Variants in ANO4 observed in about 807,000 individuals in gnomAD.
ANO4 encodes anoctamin 4.
Under a neutral mutation model 141.9 loss-of-function variants are expected in ANO4, and 69 were observed. The ratio of observed to expected loss-of-function variants is 0.49; its 90% CI spans 0.40 to 0.59. ANO4 has a LOEUF of 0.59. ANO4 is among the 20% of genes least tolerant of loss of function. ANO4 has a pLI of 0.00. For synonymous variants in ANO4, 350 were observed against 394.3 expected, an observed-to-expected ratio of 0.89 and a Z score of 1.33; for missense variants, 894 against 1,162.2, an observed-to-expected ratio of 0.77 and a Z score of 3.36.
chr12:100,794,799 G>A lies in ANO4; in HGVS notation c.-369G>A, dbSNP rs1427714486. 2 of 152,240 alleles carry A rather than the reference G, an allele frequency of 1.3e-5. No individual in the cohort carries two copies. Among genetic ancestry groups the A allele is most frequent in the African/African-American group, 2.4e-5 (1 of 41,400 alleles). 9.4% of individuals were successfully genotyped at this position (152,240 alleles called of 1,614,324 possible). A position where few individuals can be genotyped will look rare whatever the true frequency, so the allele number is the denominator to read the frequency against. ...CTGCTTTCACTCCGGCTCGCTCTCC[G>A]GAGAGTCCTGTTCCAGACTTCTCAG... On this transcript the variant is annotated 5_prime_UTR_variant, in exon 1 of 28. Transcript: ENST00000392977.
In ANO4 at chr12:100,939,326, G is replaced by T; in HGVS notation, c.172G>T (p.Val58Phe). The change falls in exon 4 of 28, where the codon GTC (valine) becomes TTC (phenylalanine). Residue 58 changes from valine to phenylalanine, a missense_variant. Transcript: ENST00000392977. ...LNAIQEMAKDVNILFDELEAV... is the reference protein window; with the variant it reads ...LNAIQEMAKDFNILFDELEAV... ...TACTTTGGTTCTAGTGGCCAAGGAT[G>T]TCAATATTCTTTTTGATGAATTAGA... 6.2e-7 allele frequency: 1 copy of T among 1,613,264 alleles called. No homozygotes were observed. The highest frequency in any genetic ancestry group is 8.5e-7 in the Non-Finnish European group (1 of 1,179,392).
chr12:101,018,314 G>A (rs117421300), intron 8 of ANO4, among the ~76,000 whole-genome samples: 67 of 152,272 alleles, frequency 4.4e-4, no homozygotes, highest in Non-Finnish European at 6.8e-4. Flanking sequence ...TCAGATAAAT[G>A]CTGCAGCATC....
chr12:100,780,375 A>G lies in ANO4; in HGVS notation c.358+40270A>G, dbSNP rs556970833. ...TCCACAGACAGAGCAGGGCTATCTC[A>G]TAGACAGAGTAGCAGCCAATAGCAC... On this transcript the variant is annotated intron_variant, in intron 3 of 29. Transcript: ENST00000644049. 9.2e-5 allele frequency among the ~76,000 whole-genome samples: 14 copies of G among 151,972 alleles called. 1 individual carries two copies. The highest frequency in any genetic ancestry group is 3.1e-4 in the African/African-American group (13 of 41,332).
intron 7 of ANO4, among the ~76,000 whole-genome samples, chr12:100,977,837 TATA>T (rs2044270830): frequency 6.6e-6 from 1 of 152,194 alleles, no homozygotes; most frequent in Non-Finnish European, 1.5e-5. Context: ...TACAGCCCTT[TATA>T]AACTGTCCTC....
chr12:100,726,232 G>GT (rs1465739643), intron 1 of ANO4, among the ~76,000 whole-genome samples: 1 of 151,694 alleles, frequency 6.6e-6, no homozygotes, highest in Non-Finnish European at 1.5e-5. Context: ...TTAAACTTCA[G>GT]TAAAAAAAAA....
chr12:100,927,836 C>G (rs1036389702), intron 3 of ANO4, among the ~76,000 whole-genome samples: 8 of 152,032 alleles, frequency 5.3e-5, no homozygotes, highest in Admixed American at 1.3e-4. Context: ...GCATCCATAC[C>G]CTGAAACACA....
chr12:100,950,141 CATG>C (rs2042910695), intron 5 of ANO4, among the ~76,000 whole-genome samples: 1 of 152,080 alleles, frequency 6.6e-6, no homozygotes, highest in South Asian at 2.1e-4. Context: ...CAGTTGAAAA[CATG>C]ATGATGAGTG....
chr12:100,877,712 T>C (rs1020831844), intron 1 of ANO4, among the ~76,000 whole-genome samples: 3 of 152,138 alleles, frequency 2.0e-5, no homozygotes, highest in East Asian at 1.9e-4. Flanking sequence ...GATGTTTTTT[T>C]CTCCAGCATC....
In ANO4 at chr12:100,939,307, G is replaced by T. The variant is rs1292643421; in HGVS notation, c.161-8G>T. On this transcript the variant is annotated splice_region_variant and splice_polypyrimidine_tract_variant and intron_variant, in intron 3 of 27. Transcript: ENST00000392977. ...ACCCACCTTATAATGTATTTACTTT[G>T]GTTCTAGTGGCCAAGGATGTCAATA... 1 of 1,609,338 alleles carries T rather than the reference G, an allele frequency of 6.2e-7. No homozygotes were observed. The highest frequency in any genetic ancestry group is 8.5e-7 in the Non-Finnish European group (1 of 1,176,888).
At chr12:100,868,812 C>G (rs2098336029) in intron 1 of ANO4, among the ~76,000 whole-genome samples, 1 of 152,228 alleles carries the variant, frequency 6.6e-6, no homozygotes, top group Non-Finnish European at 1.5e-5. Context: ...AGGACCAGAT[C>G]ATAAATATTT....
intron 3 of ANO4, among the ~76,000 whole-genome samples, chr12:100,749,280 T>C (rs1431100126): frequency 6.6e-6 from 1 of 152,198 alleles, no homozygotes; most frequent in Non-Finnish European, 1.5e-5. Flanking sequence ...CATGTGTTAA[T>C]GGACATTTGT....
At chr12:100,856,233 T>A (rs2038163886) in intron 1 of ANO4, among the ~76,000 whole-genome samples, 1 of 152,168 alleles carries the variant, frequency 6.6e-6, no homozygotes, top group African/African-American at 2.4e-5. Flanking sequence ...TGCCACTAAT[T>A]GCAAATGCTG....
chr12:100,911,489 C>A (rs1297611817), intron 2 of ANO4, among the ~76,000 whole-genome samples: 1 of 152,186 alleles, frequency 6.6e-6, no homozygotes, highest in East Asian at 1.9e-4. Flanking sequence ...CTTGTGTAAT[C>A]GTCTTCAAAG....
intron 1 of ANO4, among the ~76,000 whole-genome samples, chr12:100,807,028 C>T (rs150189039): frequency 2.2e-4 from 34 of 152,172 alleles, no homozygotes; most frequent in African/African-American, 7.9e-4. Flanking sequence ...AAAAGCCTAA[C>T]CCACTCTGAA....
chr12:100,760,396 C>G (rs1300646957), intron 3 of ANO4, among the ~76,000 whole-genome samples: 1 of 152,160 alleles, frequency 6.6e-6, no homozygotes, highest in East Asian at 1.9e-4. Context: ...ACCTATTTGA[C>G]TCCATCATGT....
chr12:100,882,481 C>T (rs969506310), intron 1 of ANO4, among the ~76,000 whole-genome samples: 5 of 152,056 alleles, frequency 3.3e-5, no homozygotes, highest in African/African-American at 1.2e-4. Flanking sequence ...ATTAAAAACA[C>T]ATAGTTGGTA....
At chr12:100,976,666 C>T (rs192858447) in intron 7 of ANO4, among the ~76,000 whole-genome samples, 132 of 152,266 alleles carry the variant, frequency 8.7e-4, no homozygotes, top group South Asian at 3.5e-3. Context: ...CTGCTGGTCA[C>T]GGGACGATGT....
intron 1 of ANO4, among the ~76,000 whole-genome samples, chr12:100,815,212 T>G: frequency 6.6e-6 from 1 of 152,186 alleles, no homozygotes; most frequent in South Asian, 2.1e-4. Flanking sequence ...CTGGGAGACA[T>G]TATTGTATGG....
chr12:100,767,117 A>G (rs2033120308), intron 3 of ANO4, among the ~76,000 whole-genome samples: 1 of 152,162 alleles, frequency 6.6e-6, no homozygotes, highest in African/African-American at 2.4e-5. Context: ...TCTTGTAGGC[A>G]GCATATAGGT....
Sources: gnomAD v4.1 joint callset for allele counts (sites outside exome capture counted in the v4.1 genomes callset) on GRCh38, gnomAD v4.1.1 for gene constraint, MANE v1.5 for transcripts, NCBI Gene and HGNC (gene_info 2026-07-23, HGNC 2026-07-21) for gene names.